JMJD1C: variants seen among roughly 807,000 people sequenced by gnomAD.
JMJD1C encodes jumonji domain-containing protein 1C.
JMJD1C carries 31 observed loss-of-function variants against 245.3 expected under a neutral mutation model. That is an observed-to-expected ratio of 0.13 (90% CI 0.09 to 0.17). JMJD1C has a LOEUF of 0.17. Among genes scored for constraint, JMJD1C ranks in the 10% least tolerant of loss-of-function variants. The pLI is 1.00. For synonymous variants in JMJD1C, 1,057 were observed against 1,017.4 expected (o/e 1.04, Z -0.74); for missense variants, 2,691 against 3,000.2 (o/e 0.90, Z 2.41).
At position 63,208,469 on chromosome 10, in the gene JMJD1C, T is replaced by C. The variant is rs749556972; in HGVS notation, c.3200A>G (p.Asp1067Gly). Residue 1067 changes from aspartate to glycine, a missense_variant, in exon 10 of 26, where the codon GAT (aspartate) becomes GGT (glycine). By Grantham distance (94) the Asp-to-Gly change is moderately conservative. Around this residue, in one of 9 missense-constraint regions of JMJD1C, gnomAD observed 1,562 missense variants for 1,490.7 expected, o/e 1.05. Transcript: ENST00000399262. Reference sequence around the variant, plus strand: ...TGATACTGAGCGTTCTACATCCATATCTTGTTTGATGATATGGCTTTTAGG... The same window carrying C: ...TGATACTGAGCGTTCTACATCCATACCTTGTTTGATGATATGGCTTTTAGG... ...SSPKSHIIKQDMDVERSVSDL... is the reference protein window; with the variant it reads ...SSPKSHIIKQGMDVERSVSDL... 5.0e-6 allele frequency: 8 copies of C among 1,613,918 alleles called. No homozygotes were observed. In the South Asian group the frequency reaches 5.5e-5, roughly 11 times the overall value.
chr10:63,338,365 C>T lies in JMJD1C; in HGVS notation c.333+41953G>A, dbSNP rs554063089. On this transcript the variant is annotated intron_variant, in intron 2 of 25. Transcript: ENST00000399262. ...CCCAGGTTGCTCTTGAACTCTTAGC[C>T]TCAAGAAATTATTCCATCTCAGCCT... is the stretch of plus-strand genomic sequence containing the variant. 2.0e-5 allele frequency among the ~76,000 whole-genome samples: 3 copies of T among 152,142 alleles called. No homozygotes were observed. In the South Asian group the frequency reaches 6.2e-4, roughly 31 times the overall value.
chr10:63,295,957 A>ATGTGTGTG (rs1234597751), intron 2 of JMJD1C, among the ~76,000 whole-genome samples: 1 of 94,542 alleles, frequency 1.1e-5, no homozygotes, highest in African/African-American at 4.4e-5. Context: ...ATATACACGT[A>ATGTGTGTG]TATGTGTGTG....
chr10:63,490,356 C>A (rs1358871158), intron 1 of JMJD1C, among the ~76,000 whole-genome samples: 3 of 151,978 alleles, frequency 2.0e-5, no homozygotes, highest in Non-Finnish European at 4.4e-5. Flanking sequence ...GTTATTCTTT[C>A]TTTCTTGTCC....
chr10:63,490,639 C>T (rs974964878), intron 1 of JMJD1C, among the ~76,000 whole-genome samples: 4 of 152,098 alleles, frequency 2.6e-5, no homozygotes, highest in Non-Finnish European at 5.9e-5. Flanking sequence ...TGGTCTCAAT[C>T]TGTTGACCTC....
intron 1 of JMJD1C, among the ~76,000 whole-genome samples, chr10:63,428,869 A>C (rs1950591374): frequency 1.3e-5 from 2 of 152,196 alleles, no homozygotes; most frequent in South Asian, 4.1e-4. Context: ...CAAGAAAAAA[A>C]TACTCGGTCA....
chr10:63,185,596 G>A lies in JMJD1C; in HGVS notation c.6797C>T (p.Ser2266Leu). 1.9e-6 allele frequency: 3 copies of A among 1,607,442 alleles called. No individual in the cohort carries two copies. The highest frequency in any genetic ancestry group is 2.6e-6 in the Non-Finnish European group (3 of 1,173,862). ...CATCATAGTCTTGAAGTCTTCTCCT[G>A]AAGGCCAGTCTTTCAATTTTAAAAC... ...TVVLKLKDWP[S>L]GEDFKTMMPA... Residue 2266 changes from serine to leucine, a missense_variant, in exon 20 of 26, where the codon TCA (serine) becomes TTA (leucine). Physicochemically the swap from Ser to Leu is moderately radical, Grantham distance 145. Coordinates refer to ENST00000399262, the MANE Select transcript of JMJD1C (RefSeq NM_032776.3).
intron 2 of JMJD1C, among the ~76,000 whole-genome samples, chr10:63,341,723 G>C (rs577117621): frequency 1.3e-5 from 2 of 152,098 alleles, no homozygotes; most frequent in Non-Finnish European, 2.9e-5. Context: ...AATAATGTTC[G>C]TGTCATGTAC....
intron 3 of JMJD1C, among the ~76,000 whole-genome samples, chr10:63,247,645 T>A (rs961675583): frequency 1.4e-5 from 2 of 146,890 alleles, no homozygotes; most frequent in South Asian, 4.3e-4. Flanking sequence ...GGCAGGAGAA[T>A]TGCTTGGGCC....
At chr10:63,350,966 T>A (rs1205324044) in intron 2 of JMJD1C, among the ~76,000 whole-genome samples, 2 of 152,082 alleles carry the variant, frequency 1.3e-5, no homozygotes, top group Non-Finnish European at 2.9e-5. Context: ...TGGTGCTGTA[T>A]TTATGACTAG....
At chr10:63,425,426 G>C (rs1317804569) in intron 1 of JMJD1C, among the ~76,000 whole-genome samples, 1 of 151,972 alleles carries the variant, frequency 6.6e-6, no homozygotes, top group Non-Finnish European at 1.5e-5. Flanking sequence ...TGATGAAACT[G>C]CTCCTGTGAA....
In JMJD1C at chr10:63,217,334, T is replaced by TA. The variant is rs758235168; in HGVS notation, c.554-4dup. On this transcript the variant is annotated splice_region_variant and splice_polypyrimidine_tract_variant and intron_variant, in intron 4 of 25. Transcript: ENST00000399262. The stretch of plus-strand genomic sequence containing the variant: ...GTATCCATTTAAGGAATAAGGACCT[T>TA]AAAAAAAACACAAGAAACAGAAACA... 443 of 1,550,266 alleles carry TA rather than the reference T, an allele frequency of 2.9e-4. No homozygotes were observed. Among genetic ancestry groups the TA allele is most frequent in the South Asian group, 7.6e-4 (61 of 80,556 alleles).
At position 63,193,081 on chromosome 10, in the gene JMJD1C, G is replaced by A; in HGVS notation, c.5933C>T (p.Thr1978Ile). ...LCMPESQQQN[T>I]PPKSEKNGGS... ...ACCATTTTTCTCAGACTTCGGAGGA[G>A]TATTTTGCTGCTGAGACTCAGGCAT... The change falls in exon 16 of 26, where the codon ACT (threonine) becomes ATT (isoleucine). Residue 1978 changes from threonine to isoleucine, a missense_variant. This residue lies in a region of JMJD1C where 275 missense variants were observed against 285.5 expected (regional missense o/e 0.96). Transcript: ENST00000399262. 1 of 1,614,116 alleles carries A rather than the reference G, an allele frequency of 6.2e-7. No homozygotes were observed. Among genetic ancestry groups the A allele is most frequent in the African/African-American group, 1.3e-5 (1 of 75,040 alleles).
rs760452367 is a variant in JMJD1C, at chr10:63,276,884, C to CTTTTTTTTTTTTT, written c.334-12133_334-12121dup. On this transcript the variant is annotated intron_variant, in intron 2 of 25. Coordinates refer to ENST00000399262, the MANE Select transcript of JMJD1C (RefSeq NM_032776.3). ...CTATGGAAGGAATAGAAGCTTGGGG[C>CTTTTTTTTTTTTT]TTTTTTTTTTTTTTTTTTGAGAGAG... is the stretch of plus-strand genomic sequence containing the variant. Among the ~76,000 whole-genome samples, 20 of 96,278 alleles carry CTTTTTTTTTTTTT rather than the reference C, an allele frequency of 2.1e-4. 4 individuals are homozygous for CTTTTTTTTTTTTT. Among genetic ancestry groups the CTTTTTTTTTTTTT allele is most frequent in the African/African-American group, 3.0e-4 (7 of 23,356 alleles). The allele number at this position is 96,278 out of a possible 152,430, so 63.2% of individuals were successfully genotyped here.
At chr10:63,363,252 CTTTTTTTTTTTTTTTTTTTTTT>C (rs71463517) in intron 2 of JMJD1C, among the ~76,000 whole-genome samples, 1 of 99,866 alleles carries the variant, frequency 1.0e-5, no homozygotes, top group Non-Finnish European at 2.0e-5. Flanking sequence ...TCATACAATT[CTTTTTTTTTTTTTTTTTTTTTT>C]TCCTGATGGA....
chr10:63,244,354 T>C (rs539160946), intron 3 of JMJD1C, among the ~76,000 whole-genome samples: 1 of 152,296 alleles, frequency 6.6e-6, no homozygotes, highest in Non-Finnish European at 1.5e-5. Flanking sequence ...GCTTAAGATG[T>C]CATTTAGTGC....
chr10:63,420,195 G>C (rs1287758733), intron 1 of JMJD1C, among the ~76,000 whole-genome samples: 1 of 151,004 alleles, frequency 6.6e-6, no homozygotes, highest in Non-Finnish European at 1.5e-5. Flanking sequence ...TCAAATGAAG[G>C]GCCCAGCACA....
At chr10:63,194,566 T>C (rs1845227098) in intron 13 of JMJD1C, 191 bp from the exon 14 acceptor site, 1 of 461,538 alleles carries the variant, frequency 2.2e-6, no homozygotes, top group East Asian at 3.2e-5. Context: ...CTGAAACAAG[T>C]CAGGAAAAAC....
In JMJD1C at chr10:63,217,346, A is replaced by G. The variant is rs914735026; in HGVS notation, c.554-15T>C. 1.9e-6 allele frequency: 3 copies of G among 1,544,704 alleles called. No homozygotes were observed. In the Admixed American group the frequency reaches 6.4e-5, roughly 33 times the overall value. On this transcript the variant is annotated splice_polypyrimidine_tract_variant and intron_variant, in intron 4 of 25. Coordinates refer to ENST00000399262, the MANE Select transcript of JMJD1C (RefSeq NM_032776.3). ...GGAATAAGGACCTTAAAAAAAACAC[A>G]AGAAACAGAAACATCTTAAATGGAG...
At chr10:63,237,264 C>T (rs1442557028) in intron 3 of JMJD1C, among the ~76,000 whole-genome samples, 1 of 152,194 alleles carries the variant, frequency 6.6e-6, no homozygotes, top group East Asian at 1.9e-4. Flanking sequence ...CCTCAAACTC[C>T]TGACCTCCGG....
Sources: gnomAD v4.1 joint callset for allele counts (sites outside exome capture counted in the v4.1 genomes callset) on GRCh38, gnomAD v4.1.1 for gene constraint, gnomAD v4.1.1 regional missense constraint, MANE v1.5 for transcripts, NCBI Gene and HGNC (gene_info 2026-07-23, HGNC 2026-07-21) for gene names.